Variants in UTS2B observed in about 807,000 individuals in gnomAD.
The protein encoded by UTS2B is urotensin-2B.
A neutral mutation model predicts 19.2 loss-of-function variants in UTS2B; 21 were observed. The ratio of observed to expected loss-of-function variants is 1.09; its 90% CI spans 0.78 to 1.58. The LOEUF (loss-of-function observed/expected upper bound fraction) is 1.58. Among genes scored for constraint, UTS2B ranks in the 40% most tolerant of loss-of-function variants. The pLI, the probability that UTS2B is intolerant of heterozygous loss-of-function variation, is 0.00. For synonymous variants in UTS2B, 57 were observed against 50.2 expected (o/e 1.14, Z -0.58); for missense variants, 138 against 130.3 (o/e 1.06, Z -0.29).
intron 8 of UTS2B, chr3:191,273,391 T>C: frequency 2.3e-6 from 1 of 440,944 alleles, no homozygotes; most frequent in Non-Finnish European, 4.6e-6. Context: ...CCAACCTGCC[T>C]TGCCATATGT....
At chr3:191,289,693 T>C (rs1026571773) in intron 4 of UTS2B, among the ~76,000 whole-genome samples, 2 of 152,094 alleles carry the variant, frequency 1.3e-5, no homozygotes, top group African/African-American at 4.8e-5. Context: ...GAAGGACAAA[T>C]ATTTTTATTT....
the UTS2B span, among the ~76,000 whole-genome samples, chr3:191,341,533 C>T: frequency 0.091 from 13,837 of 152,166 alleles, 685 homozygotes; most frequent in East Asian, 0.25. Context: ...TCTGTATACT[C>T]TGTTTATTTG....
chr3:191,297,306 C>A (rs540226180), intron 4 of UTS2B, among the ~76,000 whole-genome samples: 1 of 152,222 alleles, frequency 6.6e-6, no homozygotes, highest in African/African-American at 2.4e-5. Context: ...TTTTTCTTTT[C>A]TTTTACCCTG....
intron 5 of UTS2B, among the ~76,000 whole-genome samples, chr3:191,281,371 T>C (rs1716380002): frequency 6.6e-6 from 1 of 152,112 alleles, no homozygotes; most frequent in Non-Finnish European, 1.5e-5. Context: ...TGATAAATCA[T>C]CACTAAATCT....
At chr3:191,340,270 A>G in the UTS2B span, among the ~76,000 whole-genome samples, 1 of 152,190 alleles carries the variant, frequency 6.6e-6, no homozygotes, top group Admixed American at 6.5e-5. Flanking sequence ...TGTAATTAAG[A>G]GGGCTCTTTA....
intron 3 of UTS2B, among the ~76,000 whole-genome samples, chr3:191,309,746 ACCT>A (rs573100422): frequency 1.2e-3 from 176 of 151,752 alleles, no homozygotes; most frequent in South Asian, 2.5e-3. Flanking sequence ...AGCATGTAGC[ACCT>A]CCTCTTGCTC....
chr3:191,345,680 T>C, the UTS2B span, among the ~76,000 whole-genome samples: 1 of 152,338 alleles, frequency 6.6e-6, no homozygotes, highest in African/African-American at 2.4e-5. Flanking sequence ...CATATCTACT[T>C]GCCAAACAAG....
chr3:191,269,591 G>A (rs752472133), intron 8 of UTS2B, among the ~76,000 whole-genome samples: 11 of 151,638 alleles, frequency 7.3e-5, no homozygotes, highest in Non-Finnish European at 1.5e-4. Flanking sequence ...TGATCATAGA[G>A]TGCTACAGCT....
chr3:191,320,072 C>A (rs1258973547), intron 2 of UTS2B, among the ~76,000 whole-genome samples: 2 of 151,758 alleles, frequency 1.3e-5, no homozygotes, highest in Non-Finnish European at 2.9e-5. Flanking sequence ...ATCACATAGA[C>A]AAAGTTTCAG....
At chr3:191,294,869 A>C (rs949696333) in intron 4 of UTS2B, 1 of 151,828 alleles carries the variant, frequency 6.6e-6, no homozygotes, top group African/African-American at 2.4e-5. Context: ...TCTCTACTAA[A>C]AATACAAAAA....
chr3:191,338,897 C>T, the UTS2B span, among the ~76,000 whole-genome samples: 1 of 152,062 alleles, frequency 6.6e-6, no homozygotes, highest in African/African-American at 2.4e-5. Flanking sequence ...GTACACGTTC[C>T]AGTAAAGTGA....
At chr3:191,344,994 A>G in the UTS2B span, among the ~76,000 whole-genome samples, 27,402 of 152,192 alleles carry the variant, frequency 0.18, 2,795 homozygotes, top group East Asian at 0.45. Flanking sequence ...AGTTTTGAAG[A>G]GAACCTTAGT....
At chr3:191,305,883 C>T (rs2108598067) in intron 3 of UTS2B, among the ~76,000 whole-genome samples, 1 of 152,286 alleles carries the variant, frequency 6.6e-6, no homozygotes, top group South Asian at 2.1e-4. Context: ...CTGCATACGG[C>T]TAGTCAGTTA....
At chr3:191,298,923 A>G (rs1027862374) in intron 4 of UTS2B, among the ~76,000 whole-genome samples, 30 of 152,208 alleles carry the variant, frequency 2.0e-4, no homozygotes, top group African/African-American at 7.0e-4. Flanking sequence ...TTATTTGTTA[A>G]CAAAGAGATT....
upstream of UTS2B, among the ~76,000 whole-genome samples, chr3:191,335,307 C>T (rs924698603): frequency 1.3e-5 from 2 of 152,124 alleles, no homozygotes; most frequent in African/African-American, 4.8e-5. Context: ...ATTCAAACAA[C>T]TATATTTGCT....
intron 3 of UTS2B, among the ~76,000 whole-genome samples, chr3:191,312,100 C>T (rs958433752): frequency 1.4e-4 from 21 of 149,886 alleles, no homozygotes; most frequent in Admixed American, 1.2e-3. Context: ...TGCAGCGAGC[C>T]GAGGTTGCGC....
intron 6 of UTS2B, among the ~76,000 whole-genome samples, chr3:191,277,792 T>C (rs192855743): frequency 6.6e-6 from 1 of 152,010 alleles, no homozygotes; most frequent in East Asian, 1.9e-4. Context: ...ATTGCATAGA[T>C]GAGAAGAAAA....
At chr3:191,301,984 A>C (rs1401043003) in intron 4 of UTS2B, among the ~76,000 whole-genome samples, 2 of 152,038 alleles carry the variant, frequency 1.3e-5, no homozygotes, top group Non-Finnish European at 2.9e-5. Context: ...GGCTGGGTAA[A>C]ATTAGGTTGA....
intron 3 of UTS2B, among the ~76,000 whole-genome samples, chr3:191,315,000 G>A (rs561421265): frequency 7.9e-5 from 12 of 151,110 alleles, no homozygotes; most frequent in Non-Finnish European, 1.6e-4. Context: ...TGAGTTCTGC[G>A]TGCCACCCTA....
Sources: allele counts gnomAD v4.1 joint callset (sites outside exome capture counted in the v4.1 genomes callset), GRCh38; gene constraint gnomAD v4.1.1; transcripts MANE v1.5; gene names NCBI Gene and HGNC (gene_info 2026-07-23, HGNC 2026-07-21).